Variants in SYT12 observed in about 807,000 individuals in gnomAD.
SYT12 encodes synaptotagmin 12, also known as synaptotagmin-12.
A neutral mutation model predicts 39.5 loss-of-function variants in SYT12; 27 were observed. The ratio of observed to expected loss-of-function variants is 0.68; its 90% CI spans 0.50 to 0.94. SYT12 has a LOEUF of 0.94. SYT12 is among the 40% of genes least tolerant of loss of function. The probability of loss-of-function intolerance (pLI) is 0.00; values close to 1 mark genes in which losing one functional copy is unlikely to be tolerated. For synonymous variants in SYT12, 233 were observed against 239.7 expected, an observed-to-expected ratio of 0.97 and a Z score of 0.26; for missense variants, 536 against 572.6, an observed-to-expected ratio of 0.94 and a Z score of 0.65.
In SYT12 at chr11:67,044,661, G is replaced by C. The variant is rs755154629; in HGVS notation, c.906G>C (p.Val302=). 1.2e-6 allele frequency: 2 copies of C among 1,613,716 alleles called. No homozygotes were observed. The highest frequency in any genetic ancestry group is 4.5e-5 in the East Asian group (2 of 44,884). Residue 302 remains valine (V), a synonymous_variant, in exon 6 of 8, where the codon GTG becomes GTC. Transcript: ENST00000527043. Reference sequence around the variant, plus strand: ...TCCCCACAGCCGAGCGCCTCACCGTGGTCGTGGTTAAGGCCAAGAACCTCA... The same window carrying C: ...TCCCCACAGCCGAGCGCCTCACCGTCGTCGTGGTTAAGGCCAAGAACCTCA... ...SYLPTAERLT[V]VVVKAKNLIW... is the part of the protein sequence containing the mutation.
intron 3 of SYT12, among the ~76,000 whole-genome samples, chr11:67,035,458 C>CTTTTTTT (rs1213047598): frequency 1.0e-4 from 9 of 90,234 alleles, no homozygotes; most frequent in African/African-American, 3.0e-4. Flanking sequence ...TTTTTCTTTT[C>CTTTTTTT]TTTTTTTTTT....
At chr11:67,037,678 C>T (rs999493438) in intron 3 of SYT12, among the ~76,000 whole-genome samples, 1 of 151,772 alleles carries the variant, frequency 6.6e-6, no homozygotes, top group Non-Finnish European at 1.5e-5. Context: ...GTTGGGAGTT[C>T]GAGACCAGCC....
chr11:67,049,900 C>G lies in SYT12; in HGVS notation c.*1143C>G, dbSNP rs11827210. 1 of 152,122 alleles carries G rather than the reference C, an allele frequency of 6.6e-6. No homozygotes were observed. The highest frequency in any genetic ancestry group is 1.5e-5 in the Non-Finnish European group (1 of 68,018). 9.4% of individuals were successfully genotyped at this position (152,122 alleles called of 1,614,324 possible). A position where few individuals can be genotyped will look rare whatever the true frequency, so the allele number is the denominator to read the frequency against. On this transcript the variant is annotated 3_prime_UTR_variant, in exon 8 of 8. Transcript: ENST00000527043. ...CTCTCGATCACGGGGTGGGTGCCCC[C>G]GACACCGGGTCTCCTAGCTTGAGTT... is the stretch of plus-strand genomic sequence containing the variant.
intron 3 of SYT12, among the ~76,000 whole-genome samples, chr11:67,036,164 G>A (rs954687727): frequency 2.6e-5 from 4 of 151,868 alleles, no homozygotes; most frequent in Non-Finnish European, 4.4e-5. Context: ...AGATCTGCCC[G>A]CCTTGGCCTC....
At chr11:67,024,250 C>G (rs1801314510) in intron 1 of SYT12, among the ~76,000 whole-genome samples, 1 of 152,206 alleles carries the variant, frequency 6.6e-6, no homozygotes, top group South Asian at 2.1e-4. Flanking sequence ...TTCTCCCCGT[C>G]AGGGGATGAC....
At chr11:67,029,428 G>A (rs1039445596) in intron 1 of SYT12, 3 of 152,276 alleles carry the variant, frequency 2.0e-5, no homozygotes, top group African/African-American at 7.2e-5. Context: ...GGATGGAAAT[G>A]AGCTGGGGTT....
exon 1 of SYT12, chr11:67,006,861 G>A (rs1180686223): frequency 6.6e-6 from 1 of 152,226 alleles, no homozygotes; most frequent in African/African-American, 2.4e-5. Flanking sequence ...GCTCATAATG[G>A]TCTCTCCAAC....
chr11:67,044,495 A>G, intron 5 of SYT12, 98 bp from the exon 6 acceptor site: 1 of 1,509,770 alleles, frequency 6.6e-7, no homozygotes, highest in Non-Finnish European at 8.9e-7. Flanking sequence ...TTCTCTATGG[A>G]GAAGGAAGCC....
In SYT12 at chr11:67,049,715, G is replaced by T; in HGVS notation, c.*958G>T. The T allele has an allele frequency of 6.6e-6, 1 of 152,570 alleles. No individual in the cohort carries two copies. The highest frequency in any genetic ancestry group is 1.5e-5 in the Non-Finnish European group (1 of 68,198). The allele number at this position is 152,570 out of a possible 1,614,324, so 9.5% of individuals were successfully genotyped here. A position where few individuals can be genotyped will look rare whatever the true frequency, so the allele number is the denominator to read the frequency against. ...GTGGGCTGCACGTGCCTGCGAAGAT[G>T]TGGTGGACAAGGAGGCTCTCGGGCT... On this transcript the variant is annotated 3_prime_UTR_variant, in exon 8 of 8. Coordinates refer to ENST00000527043, the MANE Select transcript of SYT12 (RefSeq NM_177963.4).
rs942669797 is a variant in SYT12 at position 67,050,722 on chromosome 11, A to C, written c.*1965A>C. On this transcript the variant is annotated 3_prime_UTR_variant, in exon 8 of 8. Coordinates refer to ENST00000527043, the MANE Select transcript of SYT12 (RefSeq NM_177963.4). ...CTCCCCCTAACTGCATGACATGTTA[A>C]CTGTGTGCCCAGGACAGCCGTGGTG... is the stretch of plus-strand genomic sequence containing the variant. 6.6e-6 allele frequency: 1 copy of C among 152,422 alleles called. No homozygotes were observed. Among genetic ancestry groups the C allele is most frequent in the Non-Finnish European group, 1.5e-5 (1 of 68,188 alleles). 9.4% of individuals were successfully genotyped at this position (152,422 alleles called of 1,614,324 possible).
At chr11:67,026,565 G>C (rs1292999133) in intron 1 of SYT12, 1 of 152,186 alleles carries the variant, frequency 6.6e-6, no homozygotes, top group Non-Finnish European at 1.5e-5. Flanking sequence ...GAGCCACCGC[G>C]CCCGGCCAGA....
chr11:67,044,274 T>C (rs1267188472), intron 5 of SYT12, among the ~76,000 whole-genome samples: 1 of 152,222 alleles, frequency 6.6e-6, no homozygotes, highest in Non-Finnish European at 1.5e-5. Context: ...ACCGCAGTGT[T>C]TTCCTTGGCC....
At chr11:67,047,733 A>G (rs1392128634) in intron 7 of SYT12, among the ~76,000 whole-genome samples, 1 of 133,530 alleles carries the variant, frequency 7.5e-6, no homozygotes, top group African/African-American at 2.8e-5. Context: ...ACCTGAGGTC[A>G]GGAGTTCAAG....
upstream of SYT12, among the ~76,000 whole-genome samples, chr11:67,021,522 C>T (rs532336321): frequency 7.9e-5 from 12 of 152,166 alleles, no homozygotes; most frequent in East Asian, 1.9e-4. Context: ...TCAAGTGATC[C>T]GCCCTACCTC....
intron 2 of SYT12, among the ~76,000 whole-genome samples, chr11:67,033,386 G>A (rs1950305717): frequency 6.6e-6 from 1 of 152,142 alleles, no homozygotes; most frequent in African/African-American, 2.4e-5. Flanking sequence ...TTAAGGACAG[G>A]GACTTGGCCT....
At chr11:67,018,755 G>A (rs555603209), upstream of SYT12, among the ~76,000 whole-genome samples, 4 of 152,010 alleles carry the variant, frequency 2.6e-5, no homozygotes, top group South Asian at 6.3e-4. Flanking sequence ...CCTGGGAGGC[G>A]GAGCTTGCAG....
chr11:67,039,500 G>T (rs1156317421), intron 3 of SYT12, among the ~76,000 whole-genome samples: 6 of 151,994 alleles, frequency 3.9e-5, no homozygotes, highest in African/African-American at 1.5e-4. Flanking sequence ...TGTAATCCCA[G>T]CTACTCAGGA....
In SYT12 at chr11:67,034,883, G is replaced by A. The variant is rs764980164; in HGVS notation, c.228+45G>A. 8.4e-6 allele frequency: 12 copies of A among 1,427,688 alleles called. No individual in the cohort carries two copies. The East Asian group carries it at 2.9e-4, about 35-fold the overall frequency. The allele number at this position is 1,427,688 out of a possible 1,614,324, so 88.4% of individuals were successfully genotyped here. A position where few individuals can be genotyped will look rare whatever the true frequency, so the allele number is the denominator to read the frequency against. On this transcript the variant is annotated intron_variant, in intron 3 of 7. Coordinates refer to ENST00000527043, the MANE Select transcript of SYT12 (RefSeq NM_177963.4). ...AGGTGCACAGCGAGTGCAACCCCAT[G>A]CCCCTACCATCCACTCAGATCAGTC...
rs770782919 is a variant in SYT12 at position 67,041,056 on chromosome 11, G to A, written c.621+853G>A. On this transcript the variant is annotated intron_variant, in intron 4 of 7. Transcript: ENST00000527043. The stretch of plus-strand genomic sequence containing the variant: ...CTGTGGTAGTGCCAGCTAATTTATA[G>A]TCCCAGCTACTTGGGAGGCTGAGAT... Among the ~76,000 whole-genome samples the A allele has an allele frequency of 1.3e-4, 20 of 152,028 alleles. 1 individual carries two copies. Among genetic ancestry groups the A allele is most frequent in the South Asian group, 6.2e-4 (3 of 4,812 alleles).
Sources: allele counts gnomAD v4.1 joint callset (sites outside exome capture counted in the v4.1 genomes callset), GRCh38; gene constraint gnomAD v4.1.1; transcripts MANE v1.5; gene names NCBI Gene and HGNC (gene_info 2026-07-23, HGNC 2026-07-21).